Variants in RERG observed in about 807,000 individuals in gnomAD.
RERG encodes RAS like estrogen regulated growth inhibitor, also known as ras-related and estrogen-regulated growth inhibitor.
Under a neutral mutation model 23.2 loss-of-function variants are expected in RERG, and 25 were observed. The observed-to-expected ratio is 1.08, with a 90% CI of 0.79 to 1.50. The LOEUF (loss-of-function observed/expected upper bound fraction) is 1.50. RERG is among the 40% of genes most tolerant of loss of function. RERG has a pLI of 0.00. For synonymous variants in RERG, 81 were observed against 89.1 expected, an observed-to-expected ratio of 0.91 and a Z score of 0.51; for missense variants, 253 against 250.1, an observed-to-expected ratio of 1.01 and a Z score of -0.08.
intron 1 of RERG, among the ~76,000 whole-genome samples, chr12:15,219,498 T>G (rs1865486648): frequency 6.6e-6 from 1 of 152,212 alleles, no homozygotes; most frequent in Non-Finnish European, 1.5e-5. Context: ...ACCAGAAGCT[T>G]AAACATCTGC....
At chr12:15,127,542 C>A (rs552445209) in intron 2 of RERG, among the ~76,000 whole-genome samples, 1 of 152,290 alleles carries the variant, frequency 6.6e-6, no homozygotes, top group Middle Eastern at 3.4e-3. Flanking sequence ...AGAGGAATTG[C>A]TACCCCTGAC....
chr12:15,124,726 C>T (rs1364938047), intron 2 of RERG, among the ~76,000 whole-genome samples: 2 of 151,798 alleles, frequency 1.3e-5, no homozygotes, highest in Non-Finnish European at 2.9e-5. Context: ...TGGAAAAATG[C>T]TGGAAATTTT....
chr12:15,132,484 T>C (rs558213520), intron 2 of RERG, among the ~76,000 whole-genome samples: 2 of 152,352 alleles, frequency 1.3e-5, no homozygotes, highest in African/African-American at 4.8e-5. Context: ...TTGGCAATTA[T>C]GTTTTGGCAA....
chr12:15,120,108 AT>A (rs1413156880), intron 3 of RERG, among the ~76,000 whole-genome samples: 4 of 152,174 alleles, frequency 2.6e-5, no homozygotes, highest in Non-Finnish European at 4.4e-5. Flanking sequence ...CAGGAGGAAA[AT>A]TGGTCAACGA....
intron 4 of RERG, chr12:15,110,959 C>G (rs1863603326): frequency 6.2e-6 from 1 of 161,732 alleles, no homozygotes; most frequent in Admixed American, 6.4e-5. Flanking sequence ...CTTAAAGACT[C>G]ACACACAAGC....
chr12:15,157,343 T>C (rs544094030), intron 2 of RERG, among the ~76,000 whole-genome samples: 1 of 152,312 alleles, frequency 6.6e-6, no homozygotes, highest in South Asian at 2.1e-4. Context: ...TATTTTACAA[T>C]CCATCCACCC....
At chr12:15,214,030 GT>G (rs1865407351) in intron 2 of RERG, among the ~76,000 whole-genome samples, 1 of 117,364 alleles carries the variant, frequency 8.5e-6, no homozygotes, top group African/African-American at 4.8e-5. Context: ...GTGTGTGTGT[GT>G]GTGTGTGCGC....
chr12:15,111,923 G>T lies in RERG; in HGVS notation c.119-506C>A, dbSNP rs552192514. Among the ~76,000 whole-genome samples the T allele has an allele frequency of 5.9e-5, 9 of 152,074 alleles. No individual in the cohort carries two copies. The South Asian group carries it at 1.9e-3, about 32-fold the overall frequency. ...ACTCCTGACCTTAAGTGATCCGCCT[G>T]CCTTGGCCTCCCAAAGTGCTGAGAT... On this transcript the variant is annotated intron_variant, in intron 3 of 4. Transcript: ENST00000256953.
chr12:15,211,284 TACACACACAC>T (rs56263472), intron 2 of RERG, among the ~76,000 whole-genome samples: 76 of 142,862 alleles, frequency 5.3e-4, no homozygotes, highest in East Asian at 1.3e-3. Flanking sequence ...TGTCATTTTA[TACACACACAC>T]ACACACACAC....
At chr12:15,125,376 A>C (rs1863920016) in intron 2 of RERG, among the ~76,000 whole-genome samples, 1 of 152,044 alleles carries the variant, frequency 6.6e-6, no homozygotes, top group Non-Finnish European at 1.5e-5. Context: ...TAAAAACTAC[A>C]TGAATAAATT....
At chr12:15,197,778 A>C (rs904988935) in intron 2 of RERG, among the ~76,000 whole-genome samples, 3 of 152,144 alleles carry the variant, frequency 2.0e-5, no homozygotes, top group Non-Finnish European at 4.4e-5. Flanking sequence ...TACGGAAGGA[A>C]GCAGAACTGG....
At position 15,165,778 on chromosome 12, in the gene RERG, A is replaced by G. The variant is rs556398476; in HGVS notation, c.62-44659T>C. On this transcript the variant is annotated intron_variant, in intron 2 of 4. Transcript: ENST00000256953. ...TTATGGCACATTTTTAAATTCCCTG[A>G]AAGTTAAATACTTTCTGAGATCAAC... 9.2e-5 allele frequency among the ~76,000 whole-genome samples: 14 copies of G among 152,324 alleles called. No individual in the cohort carries two copies. The South Asian group carries it at 2.9e-3, about 32-fold the overall frequency.
At chr12:15,140,764 T>C (rs1254901138) in intron 2 of RERG, among the ~76,000 whole-genome samples, 4 of 152,284 alleles carry the variant, frequency 2.6e-5, no homozygotes, top group East Asian at 3.9e-4. Flanking sequence ...GAGTCTGCTA[T>C]GTAATTCTTA....
intron 2 of RERG, among the ~76,000 whole-genome samples, chr12:15,212,939 A>T (rs1032437282): frequency 2.6e-5 from 4 of 152,248 alleles, no homozygotes; most frequent in Non-Finnish European, 5.9e-5. Context: ...GAAAAAGAAC[A>T]AAAAATAGGA....
chr12:15,138,365 T>C (rs1248035101), intron 2 of RERG, among the ~76,000 whole-genome samples: 1 of 152,090 alleles, frequency 6.6e-6, no homozygotes, highest in Admixed American at 6.5e-5. Flanking sequence ...TTCTGTCCTA[T>C]ATTTTTCAGT....
At chr12:15,126,222 C>T (rs978996088) in intron 2 of RERG, among the ~76,000 whole-genome samples, 2 of 148,200 alleles carry the variant, frequency 1.3e-5, no homozygotes, top group Non-Finnish European at 3.0e-5. Flanking sequence ...CGTCTAGTCT[C>T]AACCTTCTTT....
At chr12:15,200,567 C>T (rs1321668794) in intron 2 of RERG, among the ~76,000 whole-genome samples, 1 of 151,994 alleles carries the variant, frequency 6.6e-6, no homozygotes, top group East Asian at 1.9e-4. Flanking sequence ...CCAACCTGCC[C>T]TCATAAAATG....
intron 2 of RERG, among the ~76,000 whole-genome samples, chr12:15,139,750 C>A (rs553261237): frequency 6.6e-6 from 1 of 151,990 alleles, no homozygotes; most frequent in Non-Finnish European, 1.5e-5. Context: ...AAAATCATAT[C>A]ATTTGTGAAC....
intron 3 of RERG, 86 bp downstream of exon 3, chr12:15,120,977 T>G: frequency 9.7e-7 from 1 of 1,027,054 alleles, no homozygotes; most frequent in Non-Finnish European, 1.5e-6. Context: ...AAAAGGAGCT[T>G]AAAAATGTTG....
Sources: allele counts gnomAD v4.1 joint callset (sites outside exome capture counted in the v4.1 genomes callset), GRCh38; gene constraint gnomAD v4.1.1; transcripts MANE v1.5; gene names NCBI Gene and HGNC (gene_info 2026-07-23, HGNC 2026-07-21).